Variants in TENM1 observed in about 807,000 individuals in gnomAD.
TENM1 encodes the protein teneurin-1.
Under a neutral mutation model 174.8 loss-of-function variants are expected in TENM1, and 35 were observed. That is an observed-to-expected ratio of 0.20 (90% CI 0.15 to 0.27). The LOEUF (loss-of-function observed/expected upper bound fraction) is 0.27. Among genes scored for constraint, TENM1 ranks in the 10% least tolerant of loss-of-function variants. TENM1 has a pLI of 1.00. For missense variants in TENM1, 1,633 were observed against 2,130.1 expected (o/e 0.77, Z 4.59); for synonymous variants, 781 against 798.7 (o/e 0.98, Z 0.37).
In TENM1 at chrX:124,711,664, T is replaced by A. The variant is rs186519986; in HGVS notation, c.777-6413A>T. Among the ~76,000 whole-genome samples the A allele has an allele frequency of 4.3e-3, 474 of 109,746 alleles. 2 individuals are homozygous for A. The highest frequency in any genetic ancestry group is 0.016 in the African/African-American group (462 of 28,896). ...TGGATAGCATAGTAGAATTTAGGTATTTTTTTAAAAAAACAAATTATAAAA... is the reference window on the plus strand; with the variant it reads ...TGGATAGCATAGTAGAATTTAGGTAATTTTTTAAAAAAACAAATTATAAAA... On this transcript the variant is annotated intron_variant, in intron 4 of 31. Coordinates refer to ENST00000422452, the Ensembl canonical transcript of TENM1.
the TENM1 span, among the ~76,000 whole-genome samples, chrX:125,069,051 G>A: frequency 9.0e-6 from 1 of 111,337 alleles, no homozygotes; most frequent in East Asian, 2.9e-4. Context: ...ACATGTGCAG[G>A]TTTGTTACAT....
chrX:124,861,996 A>C (rs2056920126), intron 3 of TENM1, among the ~76,000 whole-genome samples: 1 of 112,035 alleles, frequency 8.9e-6, no homozygotes, highest in Non-Finnish European at 1.9e-5. Flanking sequence ...AGTTAGCTTG[A>C]ATATATTACC....
intron 11 of TENM1, among the ~76,000 whole-genome samples, chrX:124,582,128 T>G (rs1051031509): frequency 8.9e-6 from 1 of 111,735 alleles, no homozygotes; most frequent in African/African-American, 3.3e-5. Context: ...TATAAGAACA[T>G]GCAGTATTTG....
At chrX:124,594,881 C>A (rs1569332651) in intron 11 of TENM1, among the ~76,000 whole-genome samples, 1 of 111,880 alleles carries the variant, frequency 8.9e-6, no homozygotes, top group African/African-American at 3.2e-5. Flanking sequence ...GTTTGAAAGG[C>A]CTAGAATGTC....
intron 23 of TENM1, among the ~76,000 whole-genome samples, chrX:124,434,093 G>A (rs367997477): frequency 1.8e-5 from 2 of 111,318 alleles, no homozygotes; most frequent in South Asian, 7.6e-4. Context: ...GTGTACAGTG[G>A]GGCTTTCCAG....
chrX:124,549,168 C>A (rs1258675243), intron 14 of TENM1, among the ~76,000 whole-genome samples: 1 of 112,009 alleles, frequency 8.9e-6, no homozygotes, highest in Non-Finnish European at 1.9e-5. Context: ...CTGTTCTCAG[C>A]CTCTTATTAG....
At chrX:124,588,680 C>G (rs993955656) in intron 11 of TENM1, among the ~76,000 whole-genome samples, 3 of 110,510 alleles carry the variant, frequency 2.7e-5, no homozygotes, top group Non-Finnish European at 5.7e-5. Flanking sequence ...TACCCTAAAA[C>G]TTAAAGTATA....
Position 124,731,112 on chromosome X carries a change from A to G in TENM1, c.776+5845T>C, listed in dbSNP as rs752399509. Among the ~76,000 whole-genome samples, 13 of 111,843 alleles carry G rather than the reference A, an allele frequency of 1.2e-4. No homozygotes were observed. In the East Asian group the frequency reaches 3.7e-3, roughly 32 times the overall value. ...GTAAGTTTAAGAGGGCATGATGAAA[A>G]TAATGCTAAGAAGAATTATACCCCA... is the stretch of plus-strand genomic sequence containing the variant. On this transcript the variant is annotated intron_variant, in intron 4 of 31. Transcript: ENST00000422452.
intron 3 of TENM1, among the ~76,000 whole-genome samples, chrX:124,786,041 T>C (rs2055027508): frequency 9.0e-6 from 1 of 111,420 alleles, no homozygotes. Context: ...ATAATCTACA[T>C]ATATACAATT....
intron 3 of TENM1, among the ~76,000 whole-genome samples, chrX:124,836,923 A>G (rs1356769156): frequency 9.0e-6 from 1 of 110,857 alleles, no homozygotes; most frequent in East Asian, 2.9e-4. Flanking sequence ...CTTTATCTGG[A>G]TTTGGACTCT....
intron 3 of TENM1, among the ~76,000 whole-genome samples, chrX:124,754,381 C>T (rs1416826361): frequency 3.6e-5 from 4 of 111,371 alleles, no homozygotes; most frequent in African/African-American, 1.3e-4. Flanking sequence ...TCTCTCTTTT[C>T]TTCTTTATTA....
chrX:125,059,921 C>T, the TENM1 span, among the ~76,000 whole-genome samples: 1 of 109,548 alleles, frequency 9.1e-6, no homozygotes, highest in African/African-American at 3.3e-5. Context: ...ACATTTAAGT[C>T]AGCAGACATG....
intron 5 of TENM1, among the ~76,000 whole-genome samples, chrX:124,683,873 T>C (rs937222320): frequency 8.9e-6 from 1 of 112,124 alleles, no homozygotes; most frequent in African/African-American, 3.2e-5. Flanking sequence ...TAATGTTTCC[T>C]GAAATGCTTT....
At chrX:124,990,336 A>G in the TENM1 span, among the ~76,000 whole-genome samples, 88 of 112,691 alleles carry the variant, frequency 7.8e-4, 1 homozygote, top group African/African-American at 2.8e-3. Context: ...TTTCAATTCA[A>G]ATCCTAGATA....
chrX:124,868,281 C>T lies in TENM1; in HGVS notation c.535+26015G>A, dbSNP rs143951675. ...AGCATGGCACTGGCATAAAAACAGA[C>T]AGATAGACAGTGGAACAGAATAGAG... On this transcript the variant is annotated intron_variant, in intron 3 of 31. Transcript: ENST00000422452. Among the ~76,000 whole-genome samples, 229 of 111,674 alleles carry T rather than the reference C, an allele frequency of 2.1e-3. 1 individual carries two copies. The highest frequency in any genetic ancestry group is 7.4e-3 in the African/African-American group (226 of 30,720).
chrX:125,111,254 T>C, the TENM1 span, among the ~76,000 whole-genome samples: 2 of 111,277 alleles, frequency 1.8e-5, no homozygotes, highest in African/African-American at 3.3e-5. Flanking sequence ...ATGGATTCAG[T>C]ACTACAGTAG....
chrX:124,610,338 T>C (rs1199948789), intron 11 of TENM1, among the ~76,000 whole-genome samples: 1 of 112,170 alleles, frequency 8.9e-6, no homozygotes, highest in Non-Finnish European at 1.9e-5. Context: ...ACAGTAGATG[T>C]TCAGTCTTTA....
upstream of TENM1, among the ~76,000 whole-genome samples, chrX:124,966,433 C>T (rs1444925107): frequency 1.8e-5 from 2 of 110,995 alleles, no homozygotes; most frequent in African/African-American, 6.6e-5. Flanking sequence ...GAGGCCGAGG[C>T]GGGCGGATCA....
chrX:125,148,852 T>G, the TENM1 span, among the ~76,000 whole-genome samples: 1 of 111,727 alleles, frequency 9.0e-6, no homozygotes, highest in African/African-American at 3.3e-5. Context: ...CATGTCCTAA[T>G]CCAGGCACTC....
Sources: gnomAD v4.1 joint callset for allele counts (sites outside exome capture counted in the v4.1 genomes callset) on GRCh38, gnomAD v4.1.1 for gene constraint, MANE v1.5 for transcripts, NCBI Gene and HGNC (gene_info 2026-07-23, HGNC 2026-07-21) for gene names.